LY86: variants seen among roughly 807,000 people sequenced by gnomAD.
LY86 encodes lymphocyte antigen 86.
Under a neutral mutation model 17.3 loss-of-function variants are expected in LY86, and 20 were observed. That is an observed-to-expected ratio of 1.15 (90% CI 0.81 to 1.68). The LOEUF (loss-of-function observed/expected upper bound fraction) is 1.68. Among genes scored for constraint, LY86 ranks in the 40% most tolerant of loss-of-function variants. LY86 has a pLI of 0.00. For synonymous variants in LY86, 74 were observed against 70.6 expected (o/e 1.05, Z -0.24); for missense variants, 200 against 191.9 (o/e 1.04, Z -0.25).
rs374594594 is a variant in LY86 at position 6,588,862 on chromosome 6, A to G, written c.128A>G (p.Gln43Arg). 3 of 1,613,966 alleles carry G rather than the reference A, an allele frequency of 1.9e-6. No homozygotes were observed. The highest frequency in any genetic ancestry group is 2.5e-6 in the Non-Finnish European group (3 of 1,179,886). The change falls in exon 1 of 5, where the codon CAG becomes CGG. Residue 43 changes from glutamine (Q) to arginine (R), a missense_variant. Coordinates refer to ENST00000230568, the MANE Select transcript of LY86 (RefSeq NM_004271.4). ...GACAGCGGCTTGGAAGTGCTCTACCAGAGTTGCGGTAAGCCCTTGCAGTAC... is the reference window on the plus strand; with the variant it reads ...GACAGCGGCTTGGAAGTGCTCTACCGGAGTTGCGGTAAGCCCTTGCAGTAC... Reference protein sequence around the residue: ...CSDSGLEVLYQSCDPLQDFGF... With the variant: ...CSDSGLEVLYRSCDPLQDFGF...
intron 3 of LY86, among the ~76,000 whole-genome samples, chr6:6,648,725 G>T (rs1056255746): frequency 6.6e-6 from 1 of 151,502 alleles, no homozygotes; most frequent in African/African-American, 2.4e-5. Flanking sequence ...CACCACCCTA[G>T]GAAGTAGTTA....
chr6:6,615,616 A>T (rs1048127253), intron 1 of LY86, among the ~76,000 whole-genome samples: 14 of 150,500 alleles, frequency 9.3e-5, no homozygotes, highest in Non-Finnish European at 1.9e-4. Context: ...CAGCTACTGG[A>T]GAGGCTGAGG....
intron 1 of LY86, among the ~76,000 whole-genome samples, chr6:6,603,781 A>G (rs1268192884): frequency 6.6e-6 from 1 of 152,036 alleles, no homozygotes; most frequent in African/African-American, 2.4e-5. Flanking sequence ...TGTGAGATGG[A>G]AAGTTGATCC....
At chr6:6,591,921 G>A (rs922823823) in intron 1 of LY86, among the ~76,000 whole-genome samples, 2 of 152,172 alleles carry the variant, frequency 1.3e-5, no homozygotes, top group Non-Finnish European at 2.9e-5. Context: ...CTGCGGGAGG[G>A]CTGAAAACAC....
At chr6:6,610,198 C>T (rs1474587608) in intron 1 of LY86, among the ~76,000 whole-genome samples, 1 of 152,210 alleles carries the variant, frequency 6.6e-6, no homozygotes. Flanking sequence ...TAGAGTACAC[C>T]AGTGTCAATG....
intron 1 of LY86, among the ~76,000 whole-genome samples, chr6:6,601,324 A>G (rs929787923): frequency 6.6e-6 from 1 of 152,152 alleles, no homozygotes; most frequent in African/African-American, 2.4e-5. Flanking sequence ...CTACATCTCA[A>G]CCATGCCAGA....
At position 6,599,604 on chromosome 6, in the gene LY86, C is replaced by T. The variant is rs115035201; in HGVS notation, c.136+10734C>T. On this transcript the variant is annotated intron_variant, in intron 1 of 4. Coordinates refer to ENST00000230568, the MANE Select transcript of LY86 (RefSeq NM_004271.4). ...TGGGTTGCAGAGAGCTGTCACATGA[C>T]GACCTATTTCCCTACAAGCCTGGTG... Among the ~76,000 whole-genome samples the T allele has an allele frequency of 4.5e-3, 691 of 152,270 alleles. 2 individuals carry two copies. The highest frequency in any genetic ancestry group is 0.02 in the Middle Eastern group (6 of 294).
intron 1 of LY86, among the ~76,000 whole-genome samples, chr6:6,615,965 T>G (rs1032500465): frequency 6.6e-6 from 1 of 152,258 alleles, no homozygotes; most frequent in Non-Finnish European, 1.5e-5. Flanking sequence ...TTGGTTTCAT[T>G]TTCTGCAACT....
At chr6:6,649,083 G>A (rs947488909) in intron 3 of LY86, among the ~76,000 whole-genome samples, 1 of 152,192 alleles carries the variant, frequency 6.6e-6, no homozygotes, top group Non-Finnish European at 1.5e-5. Flanking sequence ...GTTCCAGAGG[G>A]CTGGGGAGGC....
chr6:6,607,054 A>C (rs1349020796), intron 1 of LY86, among the ~76,000 whole-genome samples: 2 of 152,260 alleles, frequency 1.3e-5, no homozygotes, highest in East Asian at 3.8e-4. Flanking sequence ...CGTGAACACT[A>C]GGAGGGGGTC....
At chr6:6,605,464 A>T (rs562261820) in intron 1 of LY86, among the ~76,000 whole-genome samples, 38 of 152,338 alleles carry the variant, frequency 2.5e-4, no homozygotes, top group Non-Finnish European at 4.7e-4. Context: ...CTGTTACTGG[A>T]GTTCAAGTCT....
Position 6,654,405 on chromosome 6 carries a change from G to A in LY86, c.406-139G>A, listed in dbSNP as rs5743653. 4.6e-6 allele frequency: 3 copies of A among 651,586 alleles called. No individual in the cohort carries two copies. The South Asian group carries it at 5.6e-5, about 12-fold the overall frequency. The allele number at this position is 651,586 out of a possible 1,614,324, so 40.4% of individuals were successfully genotyped here. On this transcript the variant is annotated intron_variant, in intron 4 of 4. Coordinates refer to ENST00000230568, the MANE Select transcript of LY86 (RefSeq NM_004271.4). ...AGATGCTGTCAGCTCCACAGGGCAG[G>A]GGTTGGCTTGTCTTGTTCTACGTTA... is the stretch of plus-strand genomic sequence containing the variant.
intron 4 of LY86, among the ~76,000 whole-genome samples, chr6:6,652,665 T>G (rs1762205106): frequency 6.6e-6 from 1 of 152,140 alleles, no homozygotes; most frequent in African/African-American, 2.4e-5. Context: ...ATTCCTAACT[T>G]ACAAACTCTG....
intron 2 of LY86, among the ~76,000 whole-genome samples, 171 bp from the exon 3 acceptor site, chr6:6,626,122 G>A (rs1761782087): frequency 6.6e-6 from 1 of 152,186 alleles, no homozygotes; most frequent in Non-Finnish European, 1.5e-5. Flanking sequence ...ATAATCCCCT[G>A]TAGCATTGCC....
chr6:6,631,928 G>T (rs1267970202), intron 3 of LY86, among the ~76,000 whole-genome samples: 1 of 152,178 alleles, frequency 6.6e-6, no homozygotes. Flanking sequence ...CTTACATGTG[G>T]TGAAGTATTA....
chr6:6,629,350 C>T (rs1265214899), intron 3 of LY86, among the ~76,000 whole-genome samples: 1 of 152,062 alleles, frequency 6.6e-6, no homozygotes, highest in African/African-American at 2.4e-5. Context: ...TTTAACCCAC[C>T]CACAAACCTA....
At chr6:6,596,889 C>A (rs1401998482) in intron 1 of LY86, among the ~76,000 whole-genome samples, 1 of 152,130 alleles carries the variant, frequency 6.6e-6, no homozygotes, top group Non-Finnish European at 1.5e-5. Context: ...TGAATAGGAA[C>A]CTAGAGAGGG....
intron 2 of LY86, among the ~76,000 whole-genome samples, chr6:6,625,585 T>C (rs1323289506): frequency 6.6e-6 from 1 of 152,218 alleles, no homozygotes; most frequent in Admixed American, 6.5e-5. Context: ...GACGACCTCC[T>C]TTTCCAAAGC....
chr6:6,612,295 G>C (rs1206941219), intron 1 of LY86, among the ~76,000 whole-genome samples: 1 of 152,186 alleles, frequency 6.6e-6, no homozygotes, highest in Admixed American at 6.5e-5. Context: ...TCGTGGGTTA[G>C]TGGCCTTGCT....
Sources: gnomAD v4.1 joint callset for allele counts (sites outside exome capture counted in the v4.1 genomes callset) on GRCh38, gnomAD v4.1.1 for gene constraint, MANE v1.5 for transcripts, NCBI Gene and HGNC (gene_info 2026-07-23, HGNC 2026-07-21) for gene names.